ADGRL2: variants seen among roughly 807,000 people sequenced by gnomAD.
ADGRL2 encodes adhesion G protein-coupled receptor L2, also known as calcium-independent alpha-latrotoxin receptor 2.
A neutral mutation model predicts 157.4 loss-of-function variants in ADGRL2; 44 were observed. The observed-to-expected ratio is 0.28, with a 90% CI of 0.22 to 0.36. ADGRL2 has a LOEUF of 0.36. Among genes scored for constraint, ADGRL2 ranks in the 10% least tolerant of loss-of-function variants. The probability of loss-of-function intolerance (pLI) is 1.00; values close to 1 mark genes in which losing one functional copy is unlikely to be tolerated. For missense variants in ADGRL2, 1,510 were observed against 1,768.9 expected (o/e 0.85, Z 2.63); for synonymous variants, 585 against 624.7 (o/e 0.94, Z 0.95).
At chr1:81,964,663 G>T (rs1572401713) in intron 11 of ADGRL2, among the ~76,000 whole-genome samples, 1 of 152,198 alleles carries the variant, frequency 6.6e-6, no homozygotes, top group East Asian at 1.9e-4. Context: ...AAGAATTACT[G>T]TACAATGGTA....
intron 3 of ADGRL2, among the ~76,000 whole-genome samples, chr1:81,928,914 G>A (rs969953198): frequency 2.6e-5 from 4 of 151,762 alleles, no homozygotes; most frequent in African/African-American, 9.7e-5. Context: ...AAAAAAAAAA[G>A]TCTTACCATT....
At chr1:81,685,206 A>G (rs376221647) in intron 3 of ADGRL2, among the ~76,000 whole-genome samples, 3 of 152,094 alleles carry the variant, frequency 2.0e-5, no homozygotes, top group Admixed American at 2.0e-4. Context: ...ATTGCATTGA[A>G]TTTGTAGATT....
intron 17 of ADGRL2, 47 bp downstream of exon 17, chr1:81,971,965 A>G (rs922004697): frequency 4.7e-5 from 57 of 1,219,880 alleles, no homozygotes; most frequent in Non-Finnish European, 6.1e-5. Flanking sequence ...CTGCTTTAGC[A>G]GTGCTATTCA....
chr1:81,795,289 A>T (rs766811982), intron 2 of ADGRL2, among the ~76,000 whole-genome samples: 23 of 152,246 alleles, frequency 1.5e-4, no homozygotes, highest in Non-Finnish European at 2.5e-4. Flanking sequence ...CTGAGGTGGG[A>T]AGATTGCTTG....
At chr1:81,437,571 A>G (rs1351990314) in intron 1 of ADGRL2, among the ~76,000 whole-genome samples, 1 of 152,212 alleles carries the variant, frequency 6.6e-6, no homozygotes, top group African/African-American at 2.4e-5. Context: ...TGTGTTTTCA[A>G]TTTAATGATA....
chr1:81,437,820 G>A (rs971507716), intron 1 of ADGRL2, among the ~76,000 whole-genome samples: 1 of 152,166 alleles, frequency 6.6e-6, no homozygotes, highest in African/African-American at 2.4e-5. Flanking sequence ...GACAATAATA[G>A]AACTGAATGA....
chr1:81,356,821 T>A (rs767810440), intron 1 of ADGRL2, among the ~76,000 whole-genome samples: 3 of 151,348 alleles, frequency 2.0e-5, no homozygotes, highest in Non-Finnish European at 4.4e-5. Flanking sequence ...AGCGTGGTGG[T>A]GGGAGCCTGT....
intron 2 of ADGRL2, among the ~76,000 whole-genome samples, chr1:81,551,881 C>T (rs2080154951): frequency 6.6e-6 from 1 of 152,112 alleles, no homozygotes; most frequent in Non-Finnish European, 1.5e-5. Context: ...GAAAATAGAT[C>T]CCATGAATTG....
intron 3 of ADGRL2, among the ~76,000 whole-genome samples, chr1:81,923,153 C>T (rs2095027930): frequency 6.6e-6 from 1 of 152,116 alleles, no homozygotes; most frequent in Non-Finnish European, 1.5e-5. Flanking sequence ...CTGCTGTCAG[C>T]TTGGCACTTA....
chr1:81,807,199 C>T (rs1200667267), intron 1 of ADGRL2, among the ~76,000 whole-genome samples: 1 of 151,912 alleles, frequency 6.6e-6, no homozygotes. Flanking sequence ...ATGTTTTGGT[C>T]ATATCAGTTC....
chr1:81,539,581 G>A (rs1407569671), intron 2 of ADGRL2, among the ~76,000 whole-genome samples: 3 of 152,104 alleles, frequency 2.0e-5, no homozygotes, highest in Admixed American at 1.3e-4. Flanking sequence ...CATGTTATGA[G>A]TTTAGGCTGC....
chr1:81,952,153 C>G lies in ADGRL2; in HGVS notation c.1794+11C>G. 6.3e-7 allele frequency: 1 copy of G among 1,591,554 alleles called. No individual in the cohort carries two copies. The highest frequency in any genetic ancestry group is 1.1e-5 in the South Asian group (1 of 88,338). On this transcript the variant is annotated intron_variant, in intron 9 of 23. Transcript: ENST00000686636. ...CGGAGTTATAACAAGGTAGAGAGAA[C>G]TCTTCTGTTATTTTGAATTAGACAC...
chr1:81,344,406 G>A (rs1662310474), intron 1 of ADGRL2, among the ~76,000 whole-genome samples: 1 of 152,178 alleles, frequency 6.6e-6, no homozygotes, highest in African/African-American at 2.4e-5. Context: ...GCCGGGCACA[G>A]AGGCTCACAC....
Position 81,380,634 on chromosome 1 carries a change from A to G in ADGRL2, c.-301-64402A>G, listed in dbSNP as rs576233719. The stretch of plus-strand genomic sequence containing the variant: ...TTTTTGACTAAGCCTTCTCCTCTCT[A>G]TTTTCCTGACTTACAATGACTTTAA... On this transcript the variant is annotated intron_variant, in intron 1 of 24. Transcript: ENST00000370721. Among the ~76,000 whole-genome samples, 47 of 152,258 alleles carry G rather than the reference A, an allele frequency of 3.1e-4. No individual in the cohort carries two copies. In the South Asian group the frequency reaches 9.7e-3, roughly 32 times the overall value.
intron 3 of ADGRL2, among the ~76,000 whole-genome samples, chr1:81,913,365 T>TGCAGAG (rs2094777972): frequency 6.6e-6 from 1 of 152,196 alleles, no homozygotes; most frequent in Non-Finnish European, 1.5e-5. Flanking sequence ...TTACAGTGGA[T>TGCAGAG]GCAGAGTGAG....
intron 1 of ADGRL2, among the ~76,000 whole-genome samples, chr1:81,832,295 C>T (rs368728129): frequency 6.6e-6 from 1 of 152,106 alleles, no homozygotes; most frequent in South Asian, 2.1e-4. Flanking sequence ...GCATGCACCA[C>T]CATGTCCAGC....
chr1:81,734,894 A>T (rs1025037084), intron 1 of ADGRL2, among the ~76,000 whole-genome samples: 1 of 144,500 alleles, frequency 6.9e-6, no homozygotes, highest in African/African-American at 2.5e-5. Flanking sequence ...TTAGCCAGGC[A>T]TGGTGGTGCA....
At position 81,943,664 on chromosome 1, in the gene ADGRL2, A is replaced by G. The variant is rs1389921950; in HGVS notation, c.1105A>G (p.Ile369Val). Residue 369 changes from isoleucine to valine, a missense_variant, in exon 6 of 24, where the codon ATT becomes GTT. This residue lies in a region of ADGRL2 where 361 missense variants were observed against 498.4 expected (regional missense o/e 0.72). Transcript: ENST00000686636. This position sits in a 1 kb window ranked among gnomAD's most constrained non-coding sequence, Gnocchi z 5.6. ...TCCCTTCCCCAACCAGTATCAGTAT[A>G]TTGCTGCAGTGGATTACAATCCAAG... Reference protein sequence around the residue: ...DVPFPNQYQYIAAVDYNPRDN... With the variant: ...DVPFPNQYQYVAAVDYNPRDN... The G allele has an allele frequency of 1.2e-6, 2 of 1,613,506 alleles. No homozygotes were observed. The highest frequency in any genetic ancestry group is 3.3e-5 in the Admixed American group (2 of 59,954).
chr1:81,891,884 T>C (rs558069704), intron 2 of ADGRL2, among the ~76,000 whole-genome samples: 1 of 152,232 alleles, frequency 6.6e-6, no homozygotes, highest in East Asian at 1.9e-4. Context: ...ACTGAAATTA[T>C]TAACGCATTT....
Sources: gnomAD v4.1 joint callset for allele counts (sites outside exome capture counted in the v4.1 genomes callset) on GRCh38, gnomAD v4.1.1 for gene constraint, gnomAD v4.1.1 regional missense constraint, Gnocchi (gnomAD v3.1) non-coding constraint, MANE v1.5 for transcripts, NCBI Gene and HGNC (gene_info 2026-07-23, HGNC 2026-07-21) for gene names.